The following CALCR variants were observed in gnomAD, a reference collection of about 807,000 sequenced individuals.
CALCR encodes the protein calcitonin receptor.
Under a neutral mutation model 59.5 loss-of-function variants are expected in CALCR, and 47 were observed. That is an observed-to-expected ratio of 0.79 (90% CI 0.63 to 1.01). The LOEUF (loss-of-function observed/expected upper bound fraction) is 1.01. Ranked by LOEUF, CALCR falls within the 50% of genes least tolerant of loss-of-function variation. The pLI is 0.00. For synonymous variants in CALCR, 213 were observed against 211.3 expected (o/e 1.01, Z -0.07); for missense variants, 566 against 597.1 (o/e 0.95, Z 0.54).
chr7:93,469,858 G>T (rs934164811), intron 6 of CALCR, among the ~76,000 whole-genome samples: 5 of 151,536 alleles, frequency 3.3e-5, no homozygotes, highest in South Asian at 2.1e-4. Context: ...GAAGTTCTTT[G>T]AATTCCTGGA....
chr7:93,503,656 GC>G (rs1295182902), intron 2 of CALCR, among the ~76,000 whole-genome samples: 1 of 152,154 alleles, frequency 6.6e-6, no homozygotes, highest in African/African-American at 2.4e-5. Context: ...GTGCACTGTT[GC>G]TGATAGGAAT....
chr7:93,444,390 G>T (rs2115732969), intron 8 of CALCR, among the ~76,000 whole-genome samples: 1 of 152,212 alleles, frequency 6.6e-6, no homozygotes, highest in East Asian at 1.9e-4. Flanking sequence ...CCTTGGAAGA[G>T]TCAGATTAAT....
At chr7:93,487,974 A>T (rs1034925242) in intron 2 of CALCR, among the ~76,000 whole-genome samples, 1 of 151,640 alleles carries the variant, frequency 6.6e-6, no homozygotes, top group African/African-American at 2.4e-5. Context: ...TCCAAGGTTG[A>T]AATGAATGAA....
chr7:93,528,394 A>G (rs1453485341), intron 2 of CALCR, among the ~76,000 whole-genome samples: 1 of 152,206 alleles, frequency 6.6e-6, no homozygotes, highest in Non-Finnish European at 1.5e-5. Flanking sequence ...CGTCATTTAC[A>G]TTAGGTATAT....
chr7:93,514,652 A>G (rs1801613897), intron 2 of CALCR, among the ~76,000 whole-genome samples: 1 of 152,022 alleles, frequency 6.6e-6, no homozygotes, highest in South Asian at 2.1e-4. Context: ...TAATGCACTC[A>G]GAGTAATTAC....
chr7:93,451,319 A>C (rs1285113102), intron 8 of CALCR, among the ~76,000 whole-genome samples: 2 of 152,030 alleles, frequency 1.3e-5, no homozygotes, highest in Non-Finnish European at 2.9e-5. Context: ...TTTATCAGCC[A>C]AATTCAATTA....
At chr7:93,460,239 T>C (rs1275055769) in intron 8 of CALCR, among the ~76,000 whole-genome samples, 1 of 151,966 alleles carries the variant, frequency 6.6e-6, no homozygotes, top group African/African-American at 2.4e-5. Context: ...TAAATGTTAA[T>C]AAATTACTGG....
chr7:93,485,899 C>A (rs1018564700), intron 3 of CALCR, among the ~76,000 whole-genome samples: 2 of 151,624 alleles, frequency 1.3e-5, no homozygotes, highest in Non-Finnish European at 3.0e-5. Flanking sequence ...CATTCCCATA[C>A]ACCATTTATT....
intron 8 of CALCR, among the ~76,000 whole-genome samples, chr7:93,450,117 A>G (rs1026475883): frequency 6.6e-6 from 1 of 152,048 alleles, no homozygotes; most frequent in South Asian, 2.1e-4. Flanking sequence ...ACAACATAAA[A>G]GAACACTTTT....
chr7:93,435,531 C>T (rs1799753307), intron 12 of CALCR, among the ~76,000 whole-genome samples: 1 of 152,116 alleles, frequency 6.6e-6, no homozygotes, highest in Non-Finnish European at 1.5e-5. Flanking sequence ...AGATCATGGG[C>T]TTGTCAGGCG....
intron 9 of CALCR, chr7:93,441,420 G>C: frequency 2.4e-6 from 1 of 411,082 alleles, no homozygotes; most frequent in Non-Finnish European, 4.8e-6. Context: ...AATTGCCATT[G>C]CAGTGATTAA....
intron 2 of CALCR, among the ~76,000 whole-genome samples, chr7:93,507,791 C>T (rs1221776157): frequency 7.4e-5 from 11 of 148,980 alleles, no homozygotes; most frequent in East Asian, 2.0e-4. Context: ...GGCATGGTGG[C>T]GGGCGCCTGT....
At chr7:93,545,549 T>C (rs1215999031) in intron 2 of CALCR, among the ~76,000 whole-genome samples, 1 of 152,114 alleles carries the variant, frequency 6.6e-6, no homozygotes, top group Non-Finnish European at 1.5e-5. Context: ...GGAAGCCCCA[T>C]TTTTGGGGCA....
intron 8 of CALCR, among the ~76,000 whole-genome samples, chr7:93,444,069 C>T (rs1189503040): frequency 6.6e-6 from 1 of 152,144 alleles, no homozygotes; most frequent in African/African-American, 2.4e-5. Flanking sequence ...ATCTTAGGCA[C>T]CATCTAAGGA....
At chr7:93,530,944 C>A (rs1041218982) in intron 2 of CALCR, among the ~76,000 whole-genome samples, 1 of 151,898 alleles carries the variant, frequency 6.6e-6, no homozygotes, top group South Asian at 2.1e-4. Context: ...ACCTACTGAA[C>A]CAGAAACTTT....
At chr7:93,518,678 A>C (rs1035662777) in intron 2 of CALCR, among the ~76,000 whole-genome samples, 4 of 151,936 alleles carry the variant, frequency 2.6e-5, no homozygotes, top group Admixed American at 6.6e-5. Flanking sequence ...ACAGCAAAAA[A>C]CTAGAAACAA....
At position 93,426,511 on chromosome 7, in the gene CALCR, G is replaced by T; in HGVS notation, c.1270C>A (p.Arg424Ser). Residue 424 changes from arginine to serine, a missense_variant, in exon 14 of 14, where the codon CGC (arginine) becomes AGC (serine). Arg to Ser is a moderately radical substitution (Grantham distance 110). Transcript: ENST00000426151. Reference sequence around the variant, plus strand: ...GCAGCGGCTGCAGCGCGAGCAGAGCGGTTGGAGGGGCGCCTCCCCCAACGC... The same window carrying T: ...GCAGCGGCTGCAGCGCGAGCAGAGCTGTTGGAGGGGCGCCTCCCCCAACGC... ...NQRWGRRPSN[R>S]SARAAAAAAE... 1.2e-6 allele frequency: 2 copies of T among 1,613,730 alleles called. No individual in the cohort carries two copies. The highest frequency in any genetic ancestry group is 1.7e-6 in the Non-Finnish European group (2 of 1,179,668).
chr7:93,455,520 T>C (rs1181622846), intron 8 of CALCR, among the ~76,000 whole-genome samples: 1 of 152,002 alleles, frequency 6.6e-6, no homozygotes, highest in East Asian at 1.9e-4. Flanking sequence ...AAAAATTCAG[T>C]ATTTAAAATA....
intron 13 of CALCR, among the ~76,000 whole-genome samples, chr7:93,428,039 G>C (rs1799567616): frequency 6.6e-6 from 1 of 152,168 alleles, no homozygotes; most frequent in Admixed American, 6.5e-5. Flanking sequence ...ATGAGTGCTT[G>C]CATGAAGGGT....
Sources: allele counts gnomAD v4.1 joint callset (sites outside exome capture counted in the v4.1 genomes callset), GRCh38; gene constraint gnomAD v4.1.1; transcripts MANE v1.5; gene names NCBI Gene and HGNC (gene_info 2026-07-23, HGNC 2026-07-21).